CCDC192: variants seen among roughly 807,000 people sequenced by gnomAD.
CCDC192 encodes the protein coiled-coil domain-containing protein 192.
intron 3 of CCDC192, among the ~76,000 whole-genome samples, chr5:127,767,532 C>T (rs546084038): frequency 6.6e-6 from 1 of 152,122 alleles, no homozygotes; most frequent in Non-Finnish European, 1.5e-5. Context: ...TCTTAGAACC[C>T]AATATTATTG....
At chr5:127,787,653 GCCTAT>G (rs1281131269) in intron 3 of CCDC192, among the ~76,000 whole-genome samples, 3 of 151,944 alleles carry the variant, frequency 2.0e-5, no homozygotes, top group African/African-American at 7.3e-5. Flanking sequence ...CCAAATTATA[GCCTAT>G]CCTGGAGAAT....
At chr5:127,832,856 A>T (rs2127046216) in intron 5 of CCDC192, among the ~76,000 whole-genome samples, 1 of 152,296 alleles carries the variant, frequency 6.6e-6, no homozygotes, top group Middle Eastern at 3.4e-3. Flanking sequence ...TGTGTCAGCA[A>T]GTCCTGTCTA....
chr5:127,940,166 C>G (rs1422694916), intron 6 of CCDC192, among the ~76,000 whole-genome samples: 1 of 152,168 alleles, frequency 6.6e-6, no homozygotes, highest in Admixed American at 6.5e-5. Context: ...TCTGTCCTTT[C>G]TGACTCAGGC....
At chr5:127,899,260 T>C (rs2127164595) in intron 6 of CCDC192, among the ~76,000 whole-genome samples, 1 of 152,268 alleles carries the variant, frequency 6.6e-6, no homozygotes. Context: ...GATCATTCTC[T>C]ATACAGACAT....
At chr5:127,797,833 T>A (rs1256899707) in intron 4 of CCDC192, among the ~76,000 whole-genome samples, 3 of 148,880 alleles carry the variant, frequency 2.0e-5, no homozygotes, top group African/African-American at 7.4e-5. Context: ...TAGGGGCATT[T>A]GCATTAACCG....
intron 5 of CCDC192, among the ~76,000 whole-genome samples, chr5:127,811,966 T>A (rs1758107257): frequency 6.6e-6 from 1 of 152,154 alleles, no homozygotes; most frequent in African/African-American, 2.4e-5. Context: ...TATAGAACAT[T>A]TTCCCCTCTG....
At chr5:127,791,556 G>C (rs1756867710) in intron 3 of CCDC192, among the ~76,000 whole-genome samples, 1 of 152,166 alleles carries the variant, frequency 6.6e-6, no homozygotes, top group African/African-American at 2.4e-5. Context: ...TGCTTGATGA[G>C]GAAAGATACT....
intron 4 of CCDC192, 46 bp from the exon 5 acceptor site, chr5:127,798,060 A>G: frequency 2.5e-6 from 1 of 397,690 alleles, no homozygotes; most frequent in Non-Finnish European, 4.4e-6. Flanking sequence ...TGAGTATGTA[A>G]AAGAAAGAGT....
At chr5:127,788,114 A>G (rs968982778) in intron 3 of CCDC192, among the ~76,000 whole-genome samples, 1 of 149,252 alleles carries the variant, frequency 6.7e-6, no homozygotes, top group African/African-American at 2.5e-5. Context: ...GGGGGGGACT[A>G]TTGAAGTCTC....
intron 6 of CCDC192, among the ~76,000 whole-genome samples, chr5:127,903,785 A>C (rs976547642): frequency 6.6e-6 from 1 of 152,242 alleles, no homozygotes; most frequent in African/African-American, 2.4e-5. Context: ...AATAATTTTT[A>C]AAAAGAAATA....
At chr5:127,932,943 C>T (rs1424854972) in intron 6 of CCDC192, among the ~76,000 whole-genome samples, 1 of 152,126 alleles carries the variant, frequency 6.6e-6, no homozygotes, top group Non-Finnish European at 1.5e-5. Context: ...GAAGGCTTCA[C>T]TGTGTGAAGG....
intron 5 of CCDC192, among the ~76,000 whole-genome samples, chr5:127,856,187 G>A (rs1751084908): frequency 6.6e-6 from 1 of 152,150 alleles, no homozygotes; most frequent in South Asian, 2.1e-4. Flanking sequence ...AGATCTTCTG[G>A]ATAACTTCCT....
At chr5:127,791,823 G>A (rs1756882026) in intron 3 of CCDC192, among the ~76,000 whole-genome samples, 2 of 152,136 alleles carry the variant, frequency 1.3e-5, no homozygotes, top group African/African-American at 4.8e-5. Flanking sequence ...TGTAAAGTAT[G>A]GCCCATTCAT....
intron 2 of CCDC192, among the ~76,000 whole-genome samples, chr5:127,749,867 T>C (rs1430242460): frequency 6.6e-6 from 1 of 152,236 alleles, no homozygotes; most frequent in Non-Finnish European, 1.5e-5. Context: ...AAGGAATTTA[T>C]CCATTTCTTC....
At chr5:127,886,830 T>G (rs149303526) in intron 6 of CCDC192, among the ~76,000 whole-genome samples, 7 of 152,196 alleles carry the variant, frequency 4.6e-5, no homozygotes, top group Non-Finnish European at 1.0e-4. Flanking sequence ...ATTGATTGAT[T>G]GTAACTCAAA....
At chr5:127,877,572 G>A (rs1191723682) in intron 6 of CCDC192, among the ~76,000 whole-genome samples, 1 of 152,102 alleles carries the variant, frequency 6.6e-6, no homozygotes, top group African/African-American at 2.4e-5. Flanking sequence ...GCACATTCTT[G>A]CTCTTCCACA....
chr5:127,775,104 G>A (rs1273528529), intron 3 of CCDC192, among the ~76,000 whole-genome samples: 1 of 151,792 alleles, frequency 6.6e-6, no homozygotes, highest in African/African-American at 2.4e-5. Context: ...CTGATACTTT[G>A]ACATCTGAGG....
intron 2 of CCDC192, among the ~76,000 whole-genome samples, chr5:127,750,537 T>A (rs1268810962): frequency 1.3e-5 from 2 of 151,516 alleles, no homozygotes; most frequent in Non-Finnish European, 2.9e-5. Context: ...CTTCCAAGTA[T>A]GTGGTCAATT....
intron 5 of CCDC192, among the ~76,000 whole-genome samples, chr5:127,862,564 G>C (rs1380224935): frequency 2.0e-5 from 3 of 152,208 alleles, no homozygotes; most frequent in African/African-American, 7.2e-5. Flanking sequence ...TAGGATTAGA[G>C]AGAATCTAGA....
Sources: gnomAD v4.1 joint callset for allele counts (sites outside exome capture counted in the v4.1 genomes callset) on GRCh38, gnomAD v4.1.1 for gene constraint, MANE v1.5 for transcripts, NCBI Gene and HGNC (gene_info 2026-07-23, HGNC 2026-07-21) for gene names.